SF3B1: variants seen among roughly 807,000 people sequenced by gnomAD.
SF3B1 encodes splicing factor 3b subunit 1, also known as pre-mRNA processing 10.
A neutral mutation model predicts 153.8 loss-of-function variants in SF3B1; 12 were observed. That is an observed-to-expected ratio of 0.08 (90% confidence interval 0.05 to 0.13). The LOEUF is 0.13. SF3B1 is among the 10% of genes least tolerant of loss of function. The pLI is 1.00. For missense variants in SF3B1, 513 were observed against 1,606.1 expected (o/e 0.32, Z 11.63); for synonymous variants, 498 against 525.2 (o/e 0.95, Z 0.71).
intron 1 of SF3B1, among the ~76,000 whole-genome samples, chr2:197,424,342 A>G (rs1352510237): frequency 6.6e-6 from 1 of 152,204 alleles, no homozygotes; most frequent in Non-Finnish European, 1.5e-5. Context: ...TCTACTAAAA[A>G]ATACAAAAAG....
At chr2:197,433,462 C>T (rs1277667428) in intron 1 of SF3B1, among the ~76,000 whole-genome samples, 1 of 152,138 alleles carries the variant, frequency 6.6e-6, no homozygotes, top group Non-Finnish European at 1.5e-5. Context: ...GAATAACATC[C>T]TGAATGAACA....
Position 197,400,472 on chromosome 2 carries a change from G to C in SF3B1, c.2719-38C>G, listed in dbSNP as rs2084926567. 1 of 1,521,256 alleles carries C rather than the reference G, an allele frequency of 6.6e-7. No individual in the cohort carries two copies. The highest frequency in any genetic ancestry group is 2.3e-5 in the East Asian group (1 of 44,190). 94.2% of individuals were successfully genotyped at this position (1,521,256 alleles called of 1,614,324 possible). A position where few individuals can be genotyped will look rare whatever the true frequency, so the allele number is the denominator to read the frequency against. On this transcript the variant is annotated intron_variant, in intron 18 of 24. Coordinates refer to ENST00000335508, the MANE Select transcript of SF3B1 (RefSeq NM_012433.4). The surrounding 1 kb of genome is among the most constrained non-coding windows in gnomAD (Gnocchi z 5.0). Reference sequence around the variant, plus strand: ...TTTAAAAAAAAGACATATTCATTTGGTTTATGACTGCACAGTTGAAATACA... The same window carrying C: ...TTTAAAAAAAAGACATATTCATTTGCTTTATGACTGCACAGTTGAAATACA...
intron 1 of SF3B1, among the ~76,000 whole-genome samples, chr2:197,425,507 A>C (rs1019621590): frequency 1.3e-5 from 2 of 152,066 alleles, no homozygotes; most frequent in Non-Finnish European, 2.9e-5. Context: ...AAAATAAAAA[A>C]GCTCAATTGC....
chr2:197,429,716 G>A (rs533402557), intron 1 of SF3B1, among the ~76,000 whole-genome samples: 9 of 151,994 alleles, frequency 5.9e-5, no homozygotes, highest in Non-Finnish European at 7.4e-5. Flanking sequence ...CCCGGGAGGC[G>A]GAGCTTGCAG....
intron 6 of SF3B1, among the ~76,000 whole-genome samples, chr2:197,410,217 A>G (rs538813260): frequency 6.6e-5 from 10 of 152,306 alleles, no homozygotes; most frequent in African/African-American, 2.4e-4. Context: ...TTCAATCCGA[A>G]GCACTGACAA....
Position 197,393,203 on chromosome 2 carries a change from A to G in SF3B1, c.3540-15T>C, listed in dbSNP as rs750502099. 26 of 1,578,542 alleles carry G rather than the reference A, an allele frequency of 1.6e-5. No individual in the cohort carries two copies. The Admixed American group carries it at 2.7e-4, about 16-fold the overall frequency. On this transcript the variant is annotated splice_polypyrimidine_tract_variant and intron_variant, in intron 23 of 24. Transcript: ENST00000335508. ...GTACAAGGTCTCTACAACGGAAGGG[A>G]AAAAAGTCCTTTAAGATGCGGTCTT...
At chr2:197,410,793 C>T (rs955525580) in intron 6 of SF3B1, among the ~76,000 whole-genome samples, 3 of 152,104 alleles carry the variant, frequency 2.0e-5, no homozygotes, top group Non-Finnish European at 2.9e-5. Flanking sequence ...CGTGAGCCAC[C>T]GCACCAGGCC....
intron 6 of SF3B1, among the ~76,000 whole-genome samples, chr2:197,414,700 G>A (rs1456725733): frequency 1.3e-5 from 2 of 152,122 alleles, no homozygotes; most frequent in African/African-American, 2.4e-5. Context: ...TGTAAGCAGG[G>A]AAAGCAAGTA....
At chr2:197,420,636 G>T in intron 3 of SF3B1, 94 bp from the exon 4 acceptor site, 1 of 706,100 alleles carries the variant, frequency 1.4e-6, no homozygotes, top group Non-Finnish European at 2.4e-6. Flanking sequence ...AAGCACAAAT[G>T]TTTAATACAT....
At chr2:197,425,978 TGA>T (rs796444896) in intron 1 of SF3B1, among the ~76,000 whole-genome samples, 5 of 151,926 alleles carry the variant, frequency 3.3e-5, no homozygotes, top group Non-Finnish European at 7.4e-5. Flanking sequence ...CCAGCCTGGA[TGA>T]GAGAGAGACT....
Position 197,401,545 on chromosome 2 carries a change from T to C in SF3B1, c.2371-20A>G. ...TACCACCTAAAAGGTTAAGAAATAGTAATAATAAATCAACTGACCTGAAAT... is the reference window on the plus strand; with the variant it reads ...TACCACCTAAAAGGTTAAGAAATAGCAATAATAAATCAACTGACCTGAAAT... On this transcript the variant is annotated intron_variant, in intron 16 of 24. Transcript: ENST00000335508. The surrounding 1 kb of genome is among the most constrained non-coding windows in gnomAD (Gnocchi z 4.2). The C allele has an allele frequency of 6.2e-7, 1 of 1,602,464 alleles. No homozygotes were observed. Among genetic ancestry groups the C allele is most frequent in the Non-Finnish European group, 8.5e-7 (1 of 1,173,996 alleles).
chr2:197,435,039 A>G (rs1559283969), upstream of SF3B1: 3 of 1,614,152 alleles, frequency 1.9e-6, no homozygotes, highest in Non-Finnish European at 2.5e-6. Flanking sequence ...GGCGCTCCCA[A>G]GAACTTCCGC....
At chr2:197,394,184 C>CAA in intron 23 of SF3B1, among the ~76,000 whole-genome samples, 1 of 144,678 alleles carries the variant, frequency 6.9e-6, no homozygotes, top group South Asian at 2.2e-4. Flanking sequence ...AACTCTGTCT[C>CAA]AAAAAAAAAA....
At chr2:197,413,356 G>C (rs1323581054) in intron 6 of SF3B1, among the ~76,000 whole-genome samples, 1 of 152,182 alleles carries the variant, frequency 6.6e-6, no homozygotes, top group Non-Finnish European at 1.5e-5. Flanking sequence ...AGCTGAGATT[G>C]CACCAATGCA....
chr2:197,392,829 T>A (rs1028729615), intron 24 of SF3B1, 143 bp downstream of exon 24: 1 of 619,010 alleles, frequency 1.6e-6, no homozygotes, highest in Non-Finnish European at 2.9e-6. Flanking sequence ...AAAACCTAGA[T>A]GACAGGTTGA....
rs372689307 is a variant in SF3B1, at chr2:197,421,020, A to C, written c.300+9T>G. The C allele has an allele frequency of 2.1e-5, 33 of 1,541,072 alleles. No homozygotes were observed. The African/African-American group carries it at 3.6e-4, about 17-fold the overall frequency. On this transcript the variant is annotated intron_variant, in intron 3 of 24. Coordinates refer to ENST00000335508, the MANE Select transcript of SF3B1 (RefSeq NM_012433.4). Reference sequence around the variant, plus strand: ...CTGAATAAACTATGCTTTTAAAATGAAAGATCACCTGTTCTGTTGACTGTG... The same window carrying C: ...CTGAATAAACTATGCTTTTAAAATGCAAGATCACCTGTTCTGTTGACTGTG...
rs1472197963 is a variant in SF3B1, at chr2:197,390,284, G to C, written c.*2019C>G. 6.6e-6 allele frequency: 1 copy of C among 152,166 alleles called. No individual in the cohort carries two copies. Among genetic ancestry groups the C allele is most frequent in the African/African-American group, 2.4e-5 (1 of 41,418 alleles). 9.4% of individuals were successfully genotyped at this position (152,166 alleles called of 1,614,324 possible). A position where few individuals can be genotyped will look rare whatever the true frequency, so the allele number is the denominator to read the frequency against. ...TTTTCCATAAAGAACCAGAGGCCAA[G>C]CAAACGTAGGCTACTAAGTACTTGA... On this transcript the variant is annotated 3_prime_UTR_variant, in exon 25 of 25. Transcript: ENST00000335508.
chr2:197,416,605 C>A (rs2085151993), intron 6 of SF3B1, 136 bp downstream of exon 6: 1 of 718,398 alleles, frequency 1.4e-6, no homozygotes, highest in East Asian at 2.7e-5. Flanking sequence ...GCCTCCAGAA[C>A]TGCGAAAAAA....
chr2:197,398,371 T>A (rs2105979638), intron 21 of SF3B1, 90 bp downstream of exon 21: 1 of 1,337,258 alleles, frequency 7.5e-7, no homozygotes, highest in Non-Finnish European at 1.1e-6. Context: ...CTTATATTAG[T>A]GACATTAAGG....
Sources: gnomAD v4.1 joint callset for allele counts (sites outside exome capture counted in the v4.1 genomes callset) on GRCh38, gnomAD v4.1.1 for gene constraint, Gnocchi (gnomAD v3.1) non-coding constraint, MANE v1.5 for transcripts, NCBI Gene and HGNC (gene_info 2026-07-23, HGNC 2026-07-21) for gene names.